Variants in HIVEP3 observed in about 807,000 individuals in gnomAD.
HIVEP3 encodes transcription factor HIVEP3.
In HIVEP3, 49 loss-of-function variants were observed where a neutral mutation model predicts 152.8. The ratio of observed to expected loss-of-function variants is 0.32; its 90% confidence interval spans 0.26 to 0.41. The LOEUF (loss-of-function observed/expected upper bound fraction) is 0.41. HIVEP3 is among the 10% of genes least tolerant of loss of function. HIVEP3 has a pLI of 1.00. For missense variants in HIVEP3, 2,790 were observed against 3,103.3 expected, an observed-to-expected ratio of 0.90 and a Z score of 2.40; for synonymous variants, 1,269 against 1,289.0, an observed-to-expected ratio of 0.98 and a Z score of 0.33.
At chr1:41,768,926 G>A (rs1050828952) in intron 1 of HIVEP3, among the ~76,000 whole-genome samples, 1 of 152,214 alleles carries the variant, frequency 6.6e-6, no homozygotes, top group Non-Finnish European at 1.5e-5. Context: ...GCATCCGGCA[G>A]GTCTCCCCAC....
At position 41,580,340 on chromosome 1, in the gene HIVEP3, T is replaced by G. The variant is rs751399170; in HGVS notation, c.4458A>C (p.Leu1486Phe). Residue 1486 changes from leucine (L) to phenylalanine (F), a missense_variant, in exon 4 of 9, where the codon TTA (leucine) becomes TTC (phenylalanine). Physicochemically the swap from Leu to Phe is conservative, Grantham distance 22 (BLOSUM62 0). Coordinates refer to ENST00000372583, the MANE Select transcript of HIVEP3 (RefSeq NM_024503.5). ...EDGKRPEKSH[L>F]GNQGQGRREL... ...CCCTCCTGCCTTGGCCCTGGTTGCC[T>G]AAGTGGGATTTCTCTGGCCTCTTCC... The G allele has an allele frequency of 6.2e-7, 1 of 1,614,206 alleles. No homozygotes were observed. The highest frequency in any genetic ancestry group is 1.1e-5 in the South Asian group (1 of 91,086).
chr1:41,918,976 C>G (rs1316510681), upstream of HIVEP3, among the ~76,000 whole-genome samples: 1 of 152,168 alleles, frequency 6.6e-6, no homozygotes, highest in African/African-American at 2.4e-5. The surrounding 1 kb of genome is among the most constrained non-coding windows in gnomAD (Gnocchi z 4.3). Flanking sequence ...ATTATCACTT[C>G]GGAATAGCTG....
chr1:41,883,120 C>G (rs1644289592), intron 1 of HIVEP3, among the ~76,000 whole-genome samples: 1 of 152,018 alleles, frequency 6.6e-6, no homozygotes, highest in African/African-American at 2.4e-5. Flanking sequence ...TCAGACTACC[C>G]AGGAGTCTGC....
intron 1 of HIVEP3, among the ~76,000 whole-genome samples, chr1:41,718,566 C>A (rs555601950): frequency 7.0e-4 from 107 of 152,284 alleles, no homozygotes; most frequent in African/African-American, 2.5e-3. Flanking sequence ...GAACAGCGGA[C>A]CTGCCCCAGC....
rs1236137762 is a variant in HIVEP3 at position 41,513,165 on chromosome 1, C to T, written c.6056G>A (p.Arg2019Lys). 6.2e-7 allele frequency: 1 copy of T among 1,613,926 alleles called. No homozygotes were observed. The highest frequency in any genetic ancestry group is 1.7e-5 in the Admixed American group (1 of 60,034). The change falls in exon 8 of 9, where the codon AGG becomes AAG. Residue 2019 changes from arginine (R) to lysine (K), a missense_variant. Arg to Lys is a conservative substitution (Grantham distance 26, BLOSUM62 2). Coordinates refer to ENST00000372583, the MANE Select transcript of HIVEP3 (RefSeq NM_024503.5). ...SPPGLHVDPG[R>K]GMGALPCGSP... ...CCCACAAGGGAGAGCGCCCATGCCCCTTCCTGGGTCCACGTGCAGGCCAGG... is the reference window on the plus strand; with the variant it reads ...CCCACAAGGGAGAGCGCCCATGCCCTTTCCTGGGTCCACGTGCAGGCCAGG...
chr1:41,942,680 T>C (rs554513608), intron 1 of HIVEP3, among the ~76,000 whole-genome samples: 27 of 152,246 alleles, frequency 1.8e-4, no homozygotes, highest in African/African-American at 6.3e-4. Flanking sequence ...TAATAGTAAA[T>C]AAATGAAAAC....
At chr1:41,995,905 T>C (rs977988736) in intron 1 of HIVEP3, among the ~76,000 whole-genome samples, 1 of 152,224 alleles carries the variant, frequency 6.6e-6, no homozygotes, top group African/African-American at 2.4e-5. Context: ...CACTTGCCTC[T>C]AGGCAGTGAG....
At chr1:41,526,435 T>TACGCTCACCCTCAC (rs1642914164) in intron 5 of HIVEP3, among the ~76,000 whole-genome samples, 1 of 33,822 alleles carries the variant, frequency 3.0e-5, no homozygotes, top group Non-Finnish European at 5.9e-5. Flanking sequence ...CTCACCCTCA[T>TACGCTCACCCTCAC]ACGCTCACCC....
At chr1:41,914,301 C>T (rs1644838844) in intron 1 of HIVEP3, among the ~76,000 whole-genome samples, 1 of 152,182 alleles carries the variant, frequency 6.6e-6, no homozygotes, top group African/African-American at 2.4e-5. Flanking sequence ...ACCTTTTCTC[C>T]ATCATATTAC....
chr1:42,003,237 C>T (rs1199294787), intron 1 of HIVEP3, among the ~76,000 whole-genome samples: 1 of 151,960 alleles, frequency 6.6e-6, no homozygotes, highest in African/African-American at 2.4e-5. Flanking sequence ...CCACCACGCT[C>T]AGCTAATTTT....
At chr1:41,553,194 C>T (rs1569879402) in intron 5 of HIVEP3, among the ~76,000 whole-genome samples, 1 of 152,278 alleles carries the variant, frequency 6.6e-6, no homozygotes, top group African/African-American at 2.4e-5. Flanking sequence ...GTATTGGGTG[C>T]ATATATATTT....
chr1:41,882,727 G>A (rs1644283030), intron 1 of HIVEP3, among the ~76,000 whole-genome samples: 1 of 152,090 alleles, frequency 6.6e-6, no homozygotes, highest in Admixed American at 6.6e-5. Flanking sequence ...CAATCAATGA[G>A]AATTATTGTT....
intron 1 of HIVEP3, among the ~76,000 whole-genome samples, chr1:41,805,268 C>T (rs1185985473): frequency 5.9e-5 from 9 of 152,162 alleles, no homozygotes; most frequent in Non-Finnish European, 1.2e-4. Flanking sequence ...ACCCAGGAGG[C>T]GGAAGTTGCC....
chr1:41,989,323 TC>T (rs1296520144), intron 1 of HIVEP3, among the ~76,000 whole-genome samples: 2 of 150,520 alleles, frequency 1.3e-5, no homozygotes, highest in African/African-American at 4.9e-5. Flanking sequence ...TCACAAAATA[TC>T]ATACTGTACA....
chr1:41,877,010 G>A (rs761387690), intron 1 of HIVEP3, among the ~76,000 whole-genome samples: 76 of 152,144 alleles, frequency 5.0e-4, no homozygotes, highest in Non-Finnish European at 5.3e-4. Flanking sequence ...CTGAAGAAGT[G>A]GGAAGGCCAT....
At chr1:41,752,072 A>G (rs1647173887) in intron 1 of HIVEP3, among the ~76,000 whole-genome samples, 2 of 152,148 alleles carry the variant, frequency 1.3e-5, no homozygotes. Context: ...TGTGACTTTG[A>G]GTTAGTCCCT....
intron 2 of HIVEP3, among the ~76,000 whole-genome samples, chr1:41,679,498 G>A (rs1188727290): frequency 6.6e-6 from 1 of 152,196 alleles, no homozygotes; most frequent in East Asian, 1.9e-4. Flanking sequence ...TCCCTCCCTA[G>A]CCTCACTCAG....
At chr1:41,725,428 C>G (rs1431894238) in intron 1 of HIVEP3, among the ~76,000 whole-genome samples, 1 of 152,148 alleles carries the variant, frequency 6.6e-6, no homozygotes, top group Admixed American at 6.5e-5. Flanking sequence ...GAGGGATGTT[C>G]AATCTTCAAG....
chr1:41,821,390 C>T lies in HIVEP3; in HGVS notation c.-801+97023G>A, dbSNP rs148739993. Among the ~76,000 whole-genome samples the T allele has an allele frequency of 4.0e-3, 607 of 152,300 alleles. 3 individuals are homozygous for T. Among genetic ancestry groups the T allele is most frequent in the African/African-American group, 0.014 (574 of 41,556 alleles). ...ATGGAGGCACTTCTCAAATGCCATCCTCTATTTCATCTTCCATGTGTCAAA... is the reference window on the plus strand; with the variant it reads ...ATGGAGGCACTTCTCAAATGCCATCTTCTATTTCATCTTCCATGTGTCAAA... On this transcript the variant is annotated intron_variant, in intron 1 of 8. Coordinates refer to ENST00000372583, the MANE Select transcript of HIVEP3 (RefSeq NM_024503.5).
Sources: gnomAD v4.1 joint callset for allele counts (sites outside exome capture counted in the v4.1 genomes callset) on GRCh38, gnomAD v4.1.1 for gene constraint, Gnocchi (gnomAD v3.1) non-coding constraint, MANE v1.5 for transcripts, NCBI Gene and HGNC (gene_info 2026-07-23, HGNC 2026-07-21) for gene names.